Variants in DPYD observed in about 807,000 individuals in gnomAD.
The protein encoded by DPYD is dihydropyrimidine dehydrogenase.
In DPYD, 109 loss-of-function variants were observed where a neutral mutation model predicts 116.2. The observed-to-expected ratio is 0.94, with a 90% CI of 0.80 to 1.10. DPYD has a LOEUF of 1.10. DPYD is among the 50% of genes least tolerant of loss of function. DPYD has a pLI of 0.00. For missense variants in DPYD, 1,302 were observed against 1,254.5 expected, an observed-to-expected ratio of 1.04 and a Z score of -0.57; for synonymous variants, 440 against 432.0, an observed-to-expected ratio of 1.02 and a Z score of -0.23.
At position 97,656,806 on chromosome 1, in the gene DPYD, T is replaced by A. The variant is rs1462047266; in HGVS notation, c.850+22289A>T. On this transcript the variant is annotated intron_variant, in intron 8 of 22. Transcript: ENST00000370192. ...TTGTATCATACTTTGTCTCAATGCT[T>A]AGGAATTTTTTATTTTTTTTTTTTT... Among the ~76,000 whole-genome samples the A allele has an allele frequency of 4.6e-5, 7 of 150,978 alleles. No homozygotes were observed. In the South Asian group the frequency reaches 1.2e-3, roughly 27 times the overall value.
intron 16 of DPYD, among the ~76,000 whole-genome samples, chr1:97,315,201 T>C (rs760635017): frequency 1.3e-5 from 2 of 151,962 alleles, no homozygotes; most frequent in South Asian, 2.1e-4. Flanking sequence ...GAACAGACTC[T>C]GGCCCAGCTG....
At chr1:97,579,189 G>T (rs1055235367) in intron 10 of DPYD, among the ~76,000 whole-genome samples, 4 of 152,190 alleles carry the variant, frequency 2.6e-5, no homozygotes, top group Admixed American at 6.5e-5. Context: ...TCAAGTGAAT[G>T]TCACATGGAA....
At chr1:97,685,872 T>A (rs1660699445) in intron 7 of DPYD, among the ~76,000 whole-genome samples, 1 of 152,160 alleles carries the variant, frequency 6.6e-6, no homozygotes, top group Non-Finnish European at 1.5e-5. Context: ...TGCTCATGAA[T>A]AAGAATAATT....
chr1:97,900,179 A>T (rs1430765107), intron 1 of DPYD, among the ~76,000 whole-genome samples: 1 of 151,916 alleles, frequency 6.6e-6, no homozygotes, highest in Admixed American at 6.6e-5. Context: ...TCTAGCTGCT[A>T]ACTTCAACAG....
intron 8 of DPYD, among the ~76,000 whole-genome samples, chr1:97,642,918 TAA>T (rs1288188977): frequency 6.6e-6 from 1 of 151,134 alleles, no homozygotes; most frequent in African/African-American, 2.4e-5. Flanking sequence ...TAAATTAAAT[TAA>T]GTTACATTAA....
chr1:97,260,003 T>A (rs928903785), intron 18 of DPYD, among the ~76,000 whole-genome samples: 7 of 152,110 alleles, frequency 4.6e-5, no homozygotes, highest in Admixed American at 6.6e-5. Context: ...AGAAAAAAAA[T>A]TATGTTTTCA....
chr1:97,523,351 T>A (rs1466629574), intron 12 of DPYD, among the ~76,000 whole-genome samples: 1 of 152,162 alleles, frequency 6.6e-6, no homozygotes, highest in Non-Finnish European at 1.5e-5. Context: ...CCCTTAGAAT[T>A]TTTGGGGGGA....
rs1319498264 is a variant in DPYD at position 97,323,626 on chromosome 1, AT to A, written c.2059-17330del. ...TGTATATATACACGTATATATACATATCATATATACATATATGTGTATATAT... is the reference window on the plus strand; with the variant it reads ...TGTATATATACACGTATATATACATACATATATACATATATGTGTATATAT... On this transcript the variant is annotated intron_variant, in intron 16 of 22. Coordinates refer to ENST00000370192, the MANE Select transcript of DPYD (RefSeq NM_000110.4). Among the ~76,000 whole-genome samples, 264 of 64,586 alleles carry A rather than the reference AT, an allele frequency of 4.1e-3. 25 individuals are homozygous for A. The highest frequency in any genetic ancestry group is 6.6e-3 in the Non-Finnish European group (186 of 27,984). 42.4% of individuals were successfully genotyped at this position (64,586 alleles called of 152,430 possible).
intron 11 of DPYD, among the ~76,000 whole-genome samples, chr1:97,559,793 G>T (rs1045240250): frequency 1.3e-5 from 2 of 152,064 alleles, no homozygotes; most frequent in Non-Finnish European, 2.9e-5. Context: ...GTATTATCAT[G>T]CACTCAAAAA....
At chr1:97,774,743 C>T in intron 3 of DPYD, 1 of 186,780 alleles carries the variant, frequency 5.4e-6, no homozygotes, top group Non-Finnish European at 1.2e-5. Context: ...CTGGAGAGCA[C>T]ACGGAAACAG....
intron 8 of DPYD, among the ~76,000 whole-genome samples, chr1:97,660,234 G>A (rs981092843): frequency 2.6e-5 from 4 of 151,996 alleles, no homozygotes; most frequent in Admixed American, 2.6e-4. Flanking sequence ...AACCAGCTTT[G>A]TGTGTTTGTT....
At chr1:97,407,278 G>A (rs926061490) in intron 14 of DPYD, among the ~76,000 whole-genome samples, 1 of 152,116 alleles carries the variant, frequency 6.6e-6, no homozygotes, top group African/African-American at 2.4e-5. Flanking sequence ...AAGCACATGG[G>A]TGTTGTAAAG....
chr1:97,863,843 G>T (rs1041930722), intron 2 of DPYD, among the ~76,000 whole-genome samples: 1 of 151,248 alleles, frequency 6.6e-6, no homozygotes, highest in Non-Finnish European at 1.5e-5. Context: ...CTTATCTCTA[G>T]AGTCTTAATA....
At chr1:97,081,702 C>CT (rs1484907135) in intron 22 of DPYD, among the ~76,000 whole-genome samples, 7 of 136,486 alleles carry the variant, frequency 5.1e-5, no homozygotes, top group Admixed American at 7.6e-5. Flanking sequence ...TTTTCTTTTT[C>CT]TTTTCTTTTC....
intron 13 of DPYD, among the ~76,000 whole-genome samples, chr1:97,514,877 T>G (rs944639348): frequency 6.6e-5 from 10 of 151,902 alleles, no homozygotes; most frequent in Non-Finnish European, 1.0e-4. Context: ...TAATGGGGCA[T>G]GTTTGTTCTC....
At chr1:97,662,588 G>A (rs760180184) in intron 8 of DPYD, among the ~76,000 whole-genome samples, 6 of 151,886 alleles carry the variant, frequency 4.0e-5, no homozygotes, top group Admixed American at 1.3e-4. Context: ...AGCTGAGATC[G>A]CACCACTGCA....
intron 18 of DPYD, among the ~76,000 whole-genome samples, chr1:97,294,317 G>A (rs954266842): frequency 5.3e-5 from 8 of 152,084 alleles, no homozygotes; most frequent in Non-Finnish European, 8.8e-5. Context: ...ATTATATATC[G>A]TTTTGTTGTA....
At chr1:97,801,461 T>A (rs1667839763) in intron 3 of DPYD, among the ~76,000 whole-genome samples, 1 of 151,946 alleles carries the variant, frequency 6.6e-6, no homozygotes, top group African/African-American at 2.4e-5. Flanking sequence ...GCTTATATTT[T>A]ACTGAGAGAG....
At chr1:97,886,815 A>C (rs1353732564) in intron 1 of DPYD, among the ~76,000 whole-genome samples, 1 of 152,050 alleles carries the variant, frequency 6.6e-6, no homozygotes, top group Non-Finnish European at 1.5e-5. Context: ...CTGAACCATA[A>C]GGCAGGTAGT....
Sources: gnomAD v4.1 joint callset for allele counts (sites outside exome capture counted in the v4.1 genomes callset) on GRCh38, gnomAD v4.1.1 for gene constraint, MANE v1.5 for transcripts, NCBI Gene and HGNC (gene_info 2026-07-23, HGNC 2026-07-21) for gene names.